TPO: variants seen among roughly 807,000 people sequenced by gnomAD.
The protein encoded by TPO is thyroid microsomal antigen.
A neutral mutation model predicts 96.9 loss-of-function variants in TPO; 78 were observed. The ratio of observed to expected loss-of-function variants is 0.81; its 90% CI spans 0.67 to 0.97. TPO has a LOEUF of 0.97. Ranked by LOEUF, TPO falls within the 50% of genes least tolerant of loss-of-function variation. The pLI, the probability that TPO is intolerant of heterozygous loss-of-function variation, is 0.00. For synonymous variants in TPO, 547 were observed against 538.0 expected, an observed-to-expected ratio of 1.02 and a Z score of -0.23; for missense variants, 1,252 against 1,274.8, an observed-to-expected ratio of 0.98 and a Z score of 0.27.
At chr2:1,540,474 T>G (rs961524302) in intron 15 of TPO, 120 bp from the exon 16 acceptor site, 7 of 1,594,034 alleles carry the variant, frequency 4.4e-6, no homozygotes, top group Non-Finnish European at 5.9e-6. Flanking sequence ...TGAAAGTGGG[T>G]TGGAGTGTTC....
intron 15 of TPO, among the ~76,000 whole-genome samples, chr2:1,528,660 A>C (rs1180063694): frequency 1.2e-3 from 65 of 53,738 alleles, no homozygotes; most frequent in East Asian, 1.9e-3. Context: ...CACCACATCC[A>C]CCACTGTGTG....
intron 9 of TPO, 63 bp from the exon 10 acceptor site, chr2:1,487,758 A>T: frequency 1.3e-6 from 2 of 1,586,772 alleles, no homozygotes; most frequent in Non-Finnish European, 1.7e-6. Flanking sequence ...AAAAATTGAG[A>T]TATTGTTGTT....
intron 7 of TPO, among the ~76,000 whole-genome samples, chr2:1,471,336 A>C (rs1377936771): frequency 6.6e-6 from 1 of 151,740 alleles, no homozygotes; most frequent in African/African-American, 2.4e-5. Context: ...ACACTTTTTC[A>C]TCTACTTCAC....
At position 1,436,380 on chromosome 2, in the gene TPO, A is replaced by G. The variant is rs1017779313; in HGVS notation, c.478A>G (p.Asn160Asp). The change falls in exon 5 of 17, where the codon AAC becomes GAC. Residue 160 changes from asparagine to aspartate, a missense_variant. Transcript: ENST00000329066. ...CAGGCCCATCACAGGAGCTTGCAAC[A>G]ACAGGTATTGTTTGTGGATTTTCTT... ...KYRPITGACN[N>D]RDHPRWGASN... is the part of the protein sequence containing the mutation. 7 of 1,614,216 alleles carry G rather than the reference A, an allele frequency of 4.3e-6. No individual in the cohort carries two copies. Among genetic ancestry groups the G allele is most frequent in the Non-Finnish European group, 5.9e-6 (7 of 1,180,042 alleles).
At chr2:1,517,721 C>A (rs1244196725) in intron 15 of TPO, among the ~76,000 whole-genome samples, 1 of 150,536 alleles carries the variant, frequency 6.6e-6, no homozygotes, top group African/African-American at 2.5e-5. Context: ...TCTCACCTTG[C>A]TGCTGCCTCT....
upstream of TPO, among the ~76,000 whole-genome samples, chr2:1,409,509 C>T (rs1662295274): frequency 6.6e-6 from 1 of 152,094 alleles, no homozygotes; most frequent in Non-Finnish European, 1.5e-5. Context: ...ACACAGAGCT[C>T]CCAAACCTCC....
intron 15 of TPO, among the ~76,000 whole-genome samples, chr2:1,524,248 ACTGTGTGCAACC>A (rs1558404394): frequency 1.7e-5 from 2 of 118,134 alleles, no homozygotes; most frequent in African/African-American, 6.8e-5. Flanking sequence ...AAATCCCCCC[ACTGTGTGCAACC>A]TCCTCAAATC....
At chr2:1,446,767 CGTT>C (rs1446645417) in intron 5 of TPO, among the ~76,000 whole-genome samples, 1 of 152,090 alleles carries the variant, frequency 6.6e-6, no homozygotes, top group East Asian at 1.9e-4. Context: ...TTTGAAGAAA[CGTT>C]GTTCATATTT....
rs1474025496 is a variant in TPO at position 1,458,252 on chromosome 2, GAT to G, written c.819+1972_819+1973del. Among the ~76,000 whole-genome samples, 5 of 151,912 alleles carry G rather than the reference GAT, an allele frequency of 3.3e-5. 1 individual carries two copies. Among genetic ancestry groups the G allele is most frequent in the African/African-American group, 7.3e-5 (3 of 41,260 alleles). ...GGGCACATGTGTATATAGGATATAA[GAT>G]AGTGTGTGGGCACGTGTGTATATAG... On this transcript the variant is annotated intron_variant, in intron 7 of 16. Coordinates refer to ENST00000329066, the MANE Select transcript of TPO (RefSeq NM_001206744.2).
chr2:1,494,962 C>G (rs903890392), intron 11 of TPO, among the ~76,000 whole-genome samples: 1 of 152,008 alleles, frequency 6.6e-6, no homozygotes, highest in Admixed American at 6.6e-5. Flanking sequence ...ACTTGTCTCC[C>G]TTATAGCTGT....
chr2:1,502,339 G>A (rs534528902), intron 13 of TPO, among the ~76,000 whole-genome samples: 3 of 152,234 alleles, frequency 2.0e-5, no homozygotes, highest in African/African-American at 7.2e-5. Flanking sequence ...ACAATTAACA[G>A]CCGATAGTCA....
intron 1 of TPO, among the ~76,000 whole-genome samples, chr2:1,388,917 T>G (rs1661949947): frequency 6.6e-6 from 1 of 152,230 alleles, no homozygotes; most frequent in Non-Finnish European, 1.5e-5. Context: ...GTCAGAATTC[T>G]CTAAAGAAAA....
intron 14 of TPO, among the ~76,000 whole-genome samples, chr2:1,513,171 A>G (rs547262995): frequency 6.6e-6 from 1 of 152,238 alleles, no homozygotes; most frequent in Non-Finnish European, 1.5e-5. Context: ...GGTGATGGAC[A>G]TGGCTGTCCC....
At chr2:1,485,112 T>A (rs531237461) in intron 9 of TPO, among the ~76,000 whole-genome samples, 16 of 150,724 alleles carry the variant, frequency 1.1e-4, no homozygotes, top group Admixed American at 1.1e-3. Flanking sequence ...TGTCCATGTG[T>A]TCTCATTGTT....
At chr2:1,412,262 A>T (rs1228117201), upstream of TPO, among the ~76,000 whole-genome samples, 1 of 152,138 alleles carries the variant, frequency 6.6e-6, no homozygotes, top group African/African-American at 2.4e-5. Flanking sequence ...TAGGCATCAA[A>T]CCGAGGATGG....
At chr2:1,393,545 G>A (rs1415789142) in intron 1 of TPO, among the ~76,000 whole-genome samples, 3 of 152,222 alleles carry the variant, frequency 2.0e-5, no homozygotes, top group Non-Finnish European at 4.4e-5. Flanking sequence ...TGAACCTGCT[G>A]ATATCAAGCT....
At position 1,533,033 on chromosome 2, in the gene TPO, C is replaced by A. The variant is rs771243912; in HGVS notation, c.2619-7561C>A. Among the ~76,000 whole-genome samples, 719 of 109,714 alleles carry A rather than the reference C, an allele frequency of 6.6e-3. 1 individual carries two copies. The highest frequency in any genetic ancestry group is 0.011 in the Non-Finnish European group (578 of 54,674). The allele number at this position is 109,714 out of a possible 152,430, so 72.0% of individuals were successfully genotyped here. On this transcript the variant is annotated intron_variant, in intron 15 of 16. Coordinates refer to ENST00000329066, the MANE Select transcript of TPO (RefSeq NM_001206744.2). ...CTAGTCCCCCACTGTGTGCACCCCC[C>A]AAAAATCCCCCCACTGTGTGCAACC...
At chr2:1,420,812 G>A (rs1416000422) in intron 2 of TPO, among the ~76,000 whole-genome samples, 1 of 152,150 alleles carries the variant, frequency 6.6e-6, no homozygotes, top group Non-Finnish European at 1.5e-5. Context: ...AAGTGAGACT[G>A]ACAACGGCCA....
chr2:1,412,672 A>G (rs375427306), upstream of TPO, among the ~76,000 whole-genome samples: 30 of 152,328 alleles, frequency 2.0e-4, 1 homozygote, highest in South Asian at 6.2e-3. Flanking sequence ...AAGGGAAAGA[A>G]AAGGAGAAAG....
Sources: allele counts gnomAD v4.1 joint callset (sites outside exome capture counted in the v4.1 genomes callset), GRCh38; gene constraint gnomAD v4.1.1; transcripts MANE v1.5; gene names NCBI Gene and HGNC (gene_info 2026-07-23, HGNC 2026-07-21).